MAST2: variants seen among roughly 807,000 people sequenced by gnomAD.
MAST2 encodes microtubule-associated serine/threonine-protein kinase 2.
MAST2 carries 70 observed loss-of-function variants against 147.4 expected under a neutral mutation model. The observed-to-expected ratio is 0.47, with a 90% CI of 0.39 to 0.58. The LOEUF (loss-of-function observed/expected upper bound fraction) is 0.58. Ranked by LOEUF, MAST2 falls within the 20% of genes least tolerant of loss-of-function variation. MAST2 has a pLI of 0.00. For synonymous variants in MAST2, 869 were observed against 896.8 expected, an observed-to-expected ratio of 0.97 and a Z score of 0.55; for missense variants, 2,080 against 2,302.3, an observed-to-expected ratio of 0.90 and a Z score of 1.98.
chr1:45,868,467 T>C (rs1006288664), intron 3 of MAST2, among the ~76,000 whole-genome samples: 1 of 152,236 alleles, frequency 6.6e-6, no homozygotes, highest in African/African-American at 2.4e-5. Flanking sequence ...AAAATATTTG[T>C]TGTGCTGATA....
intron 4 of MAST2, among the ~76,000 whole-genome samples, chr1:45,923,970 C>G (rs987648075): frequency 2.6e-5 from 4 of 152,178 alleles, no homozygotes; most frequent in Non-Finnish European, 4.4e-5. Context: ...TTCCCAGTTT[C>G]AAGCAATTCT....
intron 3 of MAST2, among the ~76,000 whole-genome samples, chr1:45,878,755 C>G (rs550980406): frequency 2.0e-5 from 3 of 151,920 alleles, no homozygotes; most frequent in Non-Finnish European, 4.4e-5. Flanking sequence ...TTTAAAAAAT[C>G]TACTTAGGGA....
At chr1:45,957,416 G>A (rs550555579) in intron 4 of MAST2, among the ~76,000 whole-genome samples, 8 of 152,320 alleles carry the variant, frequency 5.3e-5, no homozygotes, top group Non-Finnish European at 1.0e-4. Context: ...TTAACTGGCT[G>A]TGTACTTAGA....
At position 46,023,707 on chromosome 1, in the gene MAST2, G is replaced by T; in HGVS notation, c.1572-65G>T. The T allele has an allele frequency of 2.0e-6, 3 of 1,466,732 alleles. No homozygotes were observed. The highest frequency in any genetic ancestry group is 2.8e-6 in the Non-Finnish European group (3 of 1,063,394). The allele number at this position is 1,466,732 out of a possible 1,614,324, so 90.9% of individuals were successfully genotyped here. ...TTAAGGTGTGAGAGAAGGCAGTTTG[G>T]GTGGCAGAGAGCACAGCTCAGGTGC... On this transcript the variant is annotated intron_variant, in intron 14 of 28. Transcript: ENST00000361297. This position sits in a 1 kb window ranked among gnomAD's most constrained non-coding sequence, Gnocchi z 4.9.
At chr1:46,005,381 C>G (rs957725905) in intron 7 of MAST2, among the ~76,000 whole-genome samples, 1 of 151,968 alleles carries the variant, frequency 6.6e-6, no homozygotes, top group African/African-American at 2.4e-5. Context: ...AAAAAAAACC[C>G]CAGATCATTG....
chr1:45,823,217 T>A (rs74702430), intron 1 of MAST2, among the ~76,000 whole-genome samples: 5 of 151,768 alleles, frequency 3.3e-5, no homozygotes, highest in African/African-American at 1.2e-4. Context: ...TTTTTTTTTT[T>A]AATCTTAGAG....
At chr1:45,908,337 TC>T (rs1651117082) in intron 4 of MAST2, among the ~76,000 whole-genome samples, 1 of 152,204 alleles carries the variant, frequency 6.6e-6, no homozygotes, top group African/African-American at 2.4e-5. Context: ...CCCAATGCTA[TC>T]CCTCCCTGGA....
At chr1:45,982,523 G>A (rs1644452487) in intron 5 of MAST2, among the ~76,000 whole-genome samples, 1 of 152,174 alleles carries the variant, frequency 6.6e-6, no homozygotes, top group Non-Finnish European at 1.5e-5. Context: ...AAGCTCAGTA[G>A]AGCTTCCTGG....
In MAST2 at chr1:46,031,110, C is replaced by T. The variant is rs1336735127; in HGVS notation, c.2812C>T (p.Arg938Trp). The T allele has an allele frequency of 6.8e-6, 11 of 1,612,226 alleles. No individual in the cohort carries two copies. Among genetic ancestry groups the T allele is most frequent in the East Asian group, 6.7e-5 (3 of 44,824 alleles). ...CTGCTCAGGCCTCCTGGATGCGCCT[C>T]GGTTCCCGGAGGGCCCTGAGGAGGC... Reference protein sequence around the residue: ...RRCSGLLDAPRFPEGPEEASS... With the variant: ...RRCSGLLDAPWFPEGPEEASS... The change falls in exon 23 of 29, where the codon CGG becomes TGG. Residue 938 changes from arginine to tryptophan, a missense_variant. Physicochemically the swap from Arg to Trp is moderately radical, Grantham distance 101. Coordinates refer to ENST00000361297, the MANE Select transcript of MAST2 (RefSeq NM_015112.3). This position sits in a 1 kb window ranked among gnomAD's most constrained non-coding sequence, Gnocchi z 4.1.
intron 5 of MAST2, among the ~76,000 whole-genome samples, chr1:45,961,334 A>G (rs965425823): frequency 6.6e-6 from 1 of 152,200 alleles, no homozygotes; most frequent in Non-Finnish European, 1.5e-5. Flanking sequence ...TGACCTTTTT[A>G]TCATATAGGA....
chr1:45,913,186 G>A (rs1181484873), intron 4 of MAST2, among the ~76,000 whole-genome samples: 10 of 152,146 alleles, frequency 6.6e-5, no homozygotes, highest in Admixed American at 5.9e-4. Flanking sequence ...GGTCAGATTC[G>A]GCATTTGAAT....
chr1:45,976,624 G>T (rs1187135524), intron 5 of MAST2, among the ~76,000 whole-genome samples: 1 of 152,110 alleles, frequency 6.6e-6, no homozygotes, highest in African/African-American at 2.4e-5. Flanking sequence ...ACGGTTTTTG[G>T]CCATAAGAAT....
chr1:45,941,054 T>C (rs1435975722), intron 4 of MAST2, among the ~76,000 whole-genome samples: 2 of 152,198 alleles, frequency 1.3e-5, no homozygotes, highest in Non-Finnish European at 2.9e-5. Flanking sequence ...CTTAAGGTTT[T>C]AGCAGGTTAT....
chr1:45,826,210 G>A (rs1422308864), intron 2 of MAST2, among the ~76,000 whole-genome samples: 1 of 152,094 alleles, frequency 6.6e-6, no homozygotes, highest in Non-Finnish European at 1.5e-5. Flanking sequence ...CATGGCTGCC[G>A]GGTACATTGT....
At chr1:45,812,490 C>T (rs1644334020) in intron 1 of MAST2, among the ~76,000 whole-genome samples, 1 of 149,292 alleles carries the variant, frequency 6.7e-6, no homozygotes, top group Admixed American at 6.7e-5. Flanking sequence ...TACAGTGGTA[C>T]CATCTTGGCT....
chr1:46,033,746 G>A, intron 26 of MAST2, 56 bp from the exon 27 acceptor site: 1 of 1,593,908 alleles, frequency 6.3e-7, no homozygotes, highest in Non-Finnish European at 8.6e-7. Flanking sequence ...ATTGGGGGAG[G>A]GGAGGGGCAA....
chr1:45,946,318 C>A (rs192954747), intron 4 of MAST2, among the ~76,000 whole-genome samples: 5 of 152,268 alleles, frequency 3.3e-5, no homozygotes, highest in African/African-American at 1.2e-4. Context: ...GTGGAAAATC[C>A]TATCCTCATC....
chr1:46,028,965 A>ACT (rs1466874288), intron 18 of MAST2, 32 bp downstream of exon 18: 1 of 1,527,834 alleles, frequency 6.5e-7, no homozygotes, highest in African/African-American at 1.4e-5. Context: ...CAGTGGGGAA[A>ACT]CAGAGTCTGA....
chr1:45,965,041 C>G (rs187929289), intron 5 of MAST2, among the ~76,000 whole-genome samples: 19 of 152,300 alleles, frequency 1.2e-4, no homozygotes, highest in African/African-American at 4.6e-4. Flanking sequence ...GAGTGAGTTT[C>G]TTAATCCTGA....
Sources: gnomAD v4.1 joint callset for allele counts (sites outside exome capture counted in the v4.1 genomes callset) on GRCh38, gnomAD v4.1.1 for gene constraint, Gnocchi (gnomAD v3.1) non-coding constraint, MANE v1.5 for transcripts, NCBI Gene and HGNC (gene_info 2026-07-23, HGNC 2026-07-21) for gene names.